RTEL1: variants seen among roughly 807,000 people sequenced by gnomAD.
RTEL1 encodes the protein regulator of telomere length.
RTEL1 carries 86 observed loss-of-function variants against 162.2 expected under a neutral mutation model. The observed-to-expected ratio is 0.53, with a 90% CI of 0.45 to 0.63. The LOEUF (loss-of-function observed/expected upper bound fraction) is 0.63, where lower values mean the gene tolerates loss of function less well. RTEL1 is among the 30% of genes least tolerant of loss of function. The pLI, the probability that RTEL1 is intolerant of heterozygous loss-of-function variation, is 0.00. For missense variants in RTEL1, 1,941 were observed against 1,750.2 expected (o/e 1.11, Z -1.95); for synonymous variants, 958 against 717.9 (o/e 1.33, Z -5.35).
At chr20:63,666,668 CG>C (rs1416595898) in intron 7 of RTEL1, among the ~76,000 whole-genome samples, 3 of 151,508 alleles carry the variant, frequency 2.0e-5, no homozygotes, top group Non-Finnish European at 4.4e-5. Context: ...CCCAAGTAGC[CG>C]GGACTGCAGG....
chr20:63,688,721 C>T, intron 21 of RTEL1, 116 bp downstream of exon 21: 1 of 857,760 alleles, frequency 1.2e-6, no homozygotes, highest in Admixed American at 2.7e-5. Flanking sequence ...CTCCCGCTGC[C>T]TCTTCAGGGC....
chr20:63,679,486 C>T (rs1409400138), intron 12 of RTEL1, among the ~76,000 whole-genome samples: 2 of 152,130 alleles, frequency 1.3e-5, no homozygotes, highest in African/African-American at 2.4e-5. Flanking sequence ...CCCATCCCTC[C>T]CCTCTGACGG....
At chr20:63,693,446 CAG>C (rs1457666823) in intron 30 of RTEL1, among the ~76,000 whole-genome samples, 163 bp downstream of exon 30, 10 of 132,780 alleles carry the variant, frequency 7.5e-5, no homozygotes, top group Admixed American at 1.5e-4. Context: ...CCAGCACCAG[CAG>C]CACCACCTCC....
intron 6 of RTEL1, among the ~76,000 whole-genome samples, chr20:63,663,587 G>T (rs190357551): frequency 1.3e-5 from 2 of 152,006 alleles, no homozygotes; most frequent in South Asian, 2.1e-4. Context: ...CTCATCACGG[G>T]GTCCTAGAGA....
At chr20:63,693,343 G>A in intron 30 of RTEL1, 60 bp downstream of exon 30, 1 of 1,594,014 alleles carries the variant, frequency 6.3e-7, no homozygotes, top group Non-Finnish European at 8.6e-7. Context: ...GTGGGCCAGA[G>A]TCCTGGGCTG....
At chr20:63,672,742 G>C in intron 9 of RTEL1, 121 bp downstream of exon 9, 1 of 801,626 alleles carries the variant, frequency 1.2e-6, no homozygotes, top group East Asian at 2.7e-5. Context: ...CCCAGGACTG[G>C]GGACTGAGCA....
intron 16 of RTEL1, chr20:63,686,085 G>A: frequency 1.7e-6 from 1 of 601,514 alleles, no homozygotes; most frequent in Non-Finnish European, 3.0e-6. Flanking sequence ...ATGGCACCGT[G>A]ACCTGCCCAG....
intron 14 of RTEL1, among the ~76,000 whole-genome samples, chr20:63,684,693 G>GA (rs968766189): frequency 1.1e-4 from 16 of 152,038 alleles, no homozygotes; most frequent in African/African-American, 3.6e-4. Flanking sequence ...GGCTGGTCTC[G>GA]AACTCCTGAC....
intron 12 of RTEL1, 89 bp downstream of exon 12, chr20:63,678,435 A>G: frequency 1.6e-6 from 2 of 1,232,286 alleles, no homozygotes; most frequent in South Asian, 1.4e-5. Context: ...TCACATCACG[A>G]GTGAGGCCTG....
At chr20:63,688,676 G>T (rs567776543) in intron 21 of RTEL1, 71 bp downstream of exon 21, 2 of 1,427,808 alleles carry the variant, frequency 1.4e-6, no homozygotes, top group African/African-American at 2.8e-5. Flanking sequence ...GCTTCCCCAA[G>T]GCTGACCACT....
At position 63,692,988 on chromosome 20, in the gene RTEL1, C is replaced by T. The variant is rs1375502785; in HGVS notation, c.2836C>T (p.His946Tyr). The T allele has an allele frequency of 6.2e-7, 1 of 1,612,608 alleles. No homozygotes were observed. The highest frequency in any genetic ancestry group is 8.5e-7 in the Non-Finnish European group (1 of 1,179,818). ...CCTCTTTGCTGAGGACCCCAAGAAGCACAACCTGCTCCAAGGTGCCCTGGC... is the reference window on the plus strand; with the variant it reads ...CCTCTTTGCTGAGGACCCCAAGAAGTACAACCTGCTCCAAGGTGCCCTGGC... ...GPLFAEDPKK[H>Y]NLLQGFYQFV... is the part of the protein sequence containing the mutation. Residue 946 changes from histidine (H) to tyrosine (Y), a missense_variant, in exon 29 of 35, where the codon CAC (histidine) becomes TAC (tyrosine). His to Tyr is a moderately conservative substitution (Grantham distance 83). Coordinates refer to ENST00000360203, the MANE Select transcript of RTEL1 (RefSeq NM_001283009.2).
At chr20:63,659,608 C>T (rs1601078239) in intron 2 of RTEL1, 104 bp downstream of exon 2, 2 of 844,844 alleles carry the variant, frequency 2.4e-6, no homozygotes, top group East Asian at 5.1e-5. Context: ...CCCTCCGGGC[C>T]AGAGGCAGCG....
At chr20:63,688,934 C>A in intron 21 of RTEL1, 121 bp from the exon 22 acceptor site, 1 of 883,562 alleles carries the variant, frequency 1.1e-6, no homozygotes, top group Non-Finnish European at 1.8e-6. Flanking sequence ...TTCCAGAACC[C>A]GATTGGCCTT....
chr20:63,663,291 G>A (rs1256342221), intron 6 of RTEL1, among the ~76,000 whole-genome samples: 1 of 152,224 alleles, frequency 6.6e-6, no homozygotes, highest in East Asian at 1.9e-4. Flanking sequence ...TACCATCTTG[G>A]GAGGGTGTCC....
chr20:63,666,952 G>A (rs1346694345), intron 7 of RTEL1, among the ~76,000 whole-genome samples: 4 of 149,412 alleles, frequency 2.7e-5, no homozygotes, highest in Non-Finnish European at 4.4e-5. Flanking sequence ...CCATTCTCCT[G>A]CCTCAGCCTC....
At chr20:63,689,342 T>C (rs1244089119) in intron 22 of RTEL1, among the ~76,000 whole-genome samples, 160 bp from the exon 23 acceptor site, 1 of 152,042 alleles carries the variant, frequency 6.6e-6, no homozygotes, top group African/African-American at 2.4e-5. Flanking sequence ...GGAGGTGGCG[T>C]CTGGGAGCTG....
intron 30 of RTEL1, 146 bp downstream of exon 30, chr20:63,693,429 T>TCCA (rs2090821754): frequency 1.1e-6 from 1 of 883,602 alleles, no homozygotes; most frequent in African/African-American, 1.8e-5. Context: ...GGCCTCCACC[T>TCCA]CCACCACCAG....
At position 63,659,569 on chromosome 20, in the gene RTEL1, T is replaced by G; in HGVS notation, c.102+65T>G. 3.2e-6 allele frequency: 4 copies of G among 1,241,968 alleles called. 1 individual carries two copies. The South Asian group carries it at 4.9e-5, about 15-fold the overall frequency. 76.9% of individuals were successfully genotyped at this position (1,241,968 alleles called of 1,614,324 possible). ...GAGCTTCAGCCAGGACGGGGTGTGC[T>G]TCCCTCTCCCGGCCCATTCCAGCCA... On this transcript the variant is annotated intron_variant, in intron 2 of 34. Coordinates refer to ENST00000360203, the MANE Select transcript of RTEL1 (RefSeq NM_001283009.2).
rs1254025090 is a variant in RTEL1, at chr20:63,687,782, C to T, written c.1481+12C>T. 3 of 1,563,496 alleles carry T rather than the reference C, an allele frequency of 1.9e-6. No homozygotes were observed. The highest frequency in any genetic ancestry group is 1.9e-5 in the Admixed American group (1 of 52,968). On this transcript the variant is annotated intron_variant, in intron 17 of 34. Coordinates refer to ENST00000360203, the MANE Select transcript of RTEL1 (RefSeq NM_001283009.2). ...CTGGAGATGCAGATGTACGGGCCAC[C>T]CCTGCCAGGGCCTGAGCACCGGTGA...
Sources: allele counts gnomAD v4.1 joint callset (sites outside exome capture counted in the v4.1 genomes callset), GRCh38; gene constraint gnomAD v4.1.1; transcripts MANE v1.5; gene names NCBI Gene and HGNC (gene_info 2026-07-23, HGNC 2026-07-21).